OR14A16: variants seen among roughly 807,000 people sequenced by gnomAD.
The protein encoded by OR14A16 is olfactory receptor 14A16.
For synonymous variants in OR14A16, 135 were observed against 137.6 expected (o/e 0.98, Z 0.13); for missense variants, 341 against 366.5 (o/e 0.93, Z 0.57).
intron 2 of OR14A16, among the ~76,000 whole-genome samples, chr1:247,817,929 CTTAAAA>C (rs772482236): frequency 3.9e-5 from 6 of 151,922 alleles, no homozygotes; most frequent in Non-Finnish European, 7.4e-5. Flanking sequence ...TTGTGGAATA[CTTAAAA>C]TTAAAAAGAT....
At chr1:247,823,314 AC>A (rs1662776548) in intron 1 of OR14A16, among the ~76,000 whole-genome samples, 1 of 151,950 alleles carries the variant, frequency 6.6e-6, no homozygotes, top group Non-Finnish European at 1.5e-5. Flanking sequence ...ACCTGGAGAG[AC>A]CCCCATTTCT....
intron 2 of OR14A16, among the ~76,000 whole-genome samples, chr1:247,816,835 T>C (rs569244369): frequency 6.9e-6 from 1 of 145,246 alleles, no homozygotes; most frequent in Non-Finnish European, 1.5e-5. Context: ...TCATATTTAA[T>C]AAGTTAAACT....
In OR14A16 at chr1:247,815,451, A is replaced by T. The variant is rs200090728; in HGVS notation, c.279T>A (p.Leu93=). The T allele has an allele frequency of 6.6e-5, 106 of 1,613,950 alleles. No individual in the cohort carries two copies. The highest frequency in any genetic ancestry group is 2.0e-5 in the Non-Finnish European group (24 of 1,180,040). Reference sequence around the variant, plus strand: ...ACAAAAAGACCTGGGAAACACAGCCAAGGAATGAAATGGAGTTGTTGTGTA... The same window carrying T: ...ACAAAAAGACCTGGGAAACACAGCCTAGGAATGAAATGGAGTTGTTGTGTA... ...SLIHNNSISF[L]GCVSQVFLLL... The change falls in exon 3 of 3, where the codon CTT becomes CTA. Residue 93 remains leucine, a synonymous_variant. Coordinates refer to ENST00000641093, the MANE Select transcript of OR14A16 (RefSeq NM_001001966.2).
intron 1 of OR14A16, among the ~76,000 whole-genome samples, chr1:247,823,492 C>A (rs1039055164): frequency 6.6e-6 from 1 of 152,070 alleles, no homozygotes; most frequent in Non-Finnish European, 1.5e-5. Context: ...CAGAGCAAGA[C>A]CCTGCCTCTA....
At chr1:247,822,477 C>CCCT (rs1396068496) in intron 1 of OR14A16, among the ~76,000 whole-genome samples, 2 of 3,362 alleles carry the variant, frequency 5.9e-4, no homozygotes, top group Admixed American at 0.012. Flanking sequence ...CTGGGACTTG[C>CCCT]ACCAAGGGCT....
chr1:247,822,471 G>C (rs1662759194), intron 1 of OR14A16, among the ~76,000 whole-genome samples: 1 of 18,162 alleles, frequency 5.5e-5, no homozygotes, highest in African/African-American at 1.6e-4. Context: ...TGGACTCTGG[G>C]ACTTGCACCA....
In OR14A16 at chr1:247,815,127, A is replaced by G. The variant is rs763860267; in HGVS notation, c.603T>C (p.Asn201=). Residue 201 remains asparagine (N), a synonymous_variant, in exon 3 of 3, where the codon AAT becomes AAC. Coordinates refer to ENST00000641093, the MANE Select transcript of OR14A16 (RefSeq NM_001001966.2). ...LIREIALILI[N]VVLDFCCFIV... ...TAAAACAGCAGAAATCCAAAACTAC[A>G]TTAATAAGGATGAGTGCAATTTCTC... The G allele has an allele frequency of 3.1e-6, 5 of 1,612,650 alleles. No homozygotes were observed. The highest frequency in any genetic ancestry group is 2.2e-5 in the South Asian group (2 of 91,050).
intron 2 of OR14A16, among the ~76,000 whole-genome samples, chr1:247,817,072 C>A (rs545498642): frequency 4.6e-5 from 7 of 152,250 alleles, no homozygotes; most frequent in Non-Finnish European, 1.0e-4. Context: ...TGTGGTTATT[C>A]ATTCGTATTG....
chr1:247,820,102 G>C (rs1240331828), intron 1 of OR14A16, among the ~76,000 whole-genome samples: 2 of 152,124 alleles, frequency 1.3e-5, no homozygotes, highest in Non-Finnish European at 2.9e-5. Flanking sequence ...TCTTTTTAAT[G>C]TGCTGTTGAA....
intron 1 of OR14A16, among the ~76,000 whole-genome samples, chr1:247,821,351 G>A (rs542590196): frequency 6.6e-6 from 1 of 152,304 alleles, no homozygotes; most frequent in South Asian, 2.1e-4. Context: ...TCAGTTCATA[G>A]TTGAATGTGG....
In OR14A16 at chr1:247,815,325, G is replaced by T. The variant is rs1374004830; in HGVS notation, c.405C>A (p.Asp135Glu). 2 of 1,614,056 alleles carry T rather than the reference G, an allele frequency of 1.2e-6. No individual in the cohort carries two copies. Among genetic ancestry groups the T allele is most frequent in the Non-Finnish European group, 8.5e-7 (1 of 1,180,008 alleles). The change falls in exon 3 of 3, where the codon GAC becomes GAA. Residue 135 changes from aspartate (D) to glutamate (E), a missense_variant. Coordinates refer to ENST00000641093, the MANE Select transcript of OR14A16 (RefSeq NM_001001966.2). Reference sequence around the variant, plus strand: ...TGGCTCTTTGGACACAGGTGCTCCTGTCCATGATGACATCATAGTGCAGAG... The same window carrying T: ...TGGCTCTTTGGACACAGGTGCTCCTTTCCATGATGACATCATAGTGCAGAG... ...CHPLHYDVIM[D>E]RSTCVQRATV...
Position 247,815,640 on chromosome 1 carries a change from C to A in OR14A16, c.90G>T (p.Leu30Phe), listed in dbSNP as rs79307181. The change falls in exon 3 of 3, where the codon TTG becomes TTT. Residue 30 changes from leucine (L) to phenylalanine (F), a missense_variant. Transcript: ENST00000641093. ...NMCILHSILF[L>F]LIYLCALMGN... ...CCATCAGGGCACACAAATAAATCAA[C>A]AAGAAGAGAATCGAATGCAAAATGC... is the stretch of plus-strand genomic sequence containing the variant. 4.3e-6 allele frequency: 7 copies of A among 1,611,722 alleles called. No individual in the cohort carries two copies. The highest frequency in any genetic ancestry group is 5.9e-6 in the Non-Finnish European group (7 of 1,178,014).
Position 247,814,725 on chromosome 1 carries a change from A to T in OR14A16, c.*75T>A. ...TTTTAAATTTTTACTTTTAAGAATT[A>T]GAGATAAAAATGAAGAATTAATGTG... On this transcript the variant is annotated 3_prime_UTR_variant, in exon 3 of 3. Coordinates refer to ENST00000641093, the MANE Select transcript of OR14A16 (RefSeq NM_001001966.2). The T allele has an allele frequency of 1.5e-6, 1 of 683,682 alleles. No homozygotes were observed. Among genetic ancestry groups the T allele is most frequent in the Non-Finnish European group, 2.2e-6 (1 of 463,148 alleles). The allele number at this position is 683,682 out of a possible 1,614,324, so 42.4% of individuals were successfully genotyped here.
In OR14A16 at chr1:247,814,880, G is replaced by C; in HGVS notation, c.850C>G (p.Pro284Ala). The change falls in exon 3 of 3, where the codon CCC (proline) becomes GCC (alanine). Residue 284 changes from proline (P) to alanine (A), a missense_variant. Coordinates refer to ENST00000641093, the MANE Select transcript of OR14A16 (RefSeq NM_001001966.2). ...TTGTTTCTCAAACTGTATATAATGG[G>C]ATTAAAGGTTGGGGGCAGCATAGTG... ...FYTMLPPTFN[P>A]IIYSLRNKAI... 1.2e-6 allele frequency: 2 copies of C among 1,613,812 alleles called. No homozygotes were observed. Among genetic ancestry groups the C allele is most frequent in the Non-Finnish European group, 1.7e-6 (2 of 1,179,902 alleles).
intron 1 of OR14A16, among the ~76,000 whole-genome samples, chr1:247,820,188 C>A (rs1662706339): frequency 6.6e-6 from 1 of 152,120 alleles, no homozygotes; most frequent in Non-Finnish European, 1.5e-5. Context: ...TTTTTCTTTT[C>A]TTGCAGTATC....
chr1:247,816,520 A>G (rs1285141006), intron 2 of OR14A16, among the ~76,000 whole-genome samples: 2 of 152,134 alleles, frequency 1.3e-5, no homozygotes, highest in Non-Finnish European at 2.9e-5. Context: ...TGACGTCAGG[A>G]GTTCAAGACC....
At chr1:247,818,630 ACT>A (rs1662670877) in intron 2 of OR14A16, among the ~76,000 whole-genome samples, 1 of 152,166 alleles carries the variant, frequency 6.6e-6, no homozygotes, top group South Asian at 2.1e-4. Context: ...GCATGTTCTC[ACT>A]CTAATTGGGA....
chr1:247,823,353 TGGTTATGGTGCTGCA>T (rs1285922655), intron 1 of OR14A16, among the ~76,000 whole-genome samples: 2 of 152,134 alleles, frequency 1.3e-5, no homozygotes, highest in African/African-American at 4.8e-5. Context: ...AAACATTATC[TGGTTATGGTGCTGCA>T]CACCTGTAAT....
rs780852701 is a variant in OR14A16, at chr1:247,815,279, C to T, written c.451G>A (p.Gly151Ser). Reference sequence around the variant, plus strand: ...GCTGTGTGCATCACAGCAATCAGACCCCCATACAGCCAAGACACAGTGGCT... The same window carrying T: ...GCTGTGTGCATCACAGCAATCAGACTCCCATACAGCCAAGACACAGTGGCT... ...QRATVSWLYGGLIAVMHTAGT... is the reference protein window; with the variant it reads ...QRATVSWLYGSLIAVMHTAGT... The change falls in exon 3 of 3, where the codon GGT (glycine) becomes AGT (serine). Residue 151 changes from glycine (G) to serine (S), a missense_variant. By Grantham distance (56) the Gly-to-Ser change is moderately conservative. Transcript: ENST00000641093. 2.5e-6 allele frequency: 4 copies of T among 1,614,006 alleles called. No individual in the cohort carries two copies. The highest frequency in any genetic ancestry group is 1.7e-5 in the Admixed American group (1 of 60,014).
Sources: allele counts gnomAD v4.1 joint callset (sites outside exome capture counted in the v4.1 genomes callset), GRCh38; gene constraint gnomAD v4.1.1; transcripts MANE v1.5; gene names NCBI Gene and HGNC (gene_info 2026-07-23, HGNC 2026-07-21).